Variants in SETD2 observed in about 807,000 individuals in gnomAD.
SETD2 encodes the protein SET domain containing 2, histone lysine methyltransferase.
A neutral mutation model predicts 242.1 loss-of-function variants in SETD2; 31 were observed. The ratio of observed to expected loss-of-function variants is 0.13; its 90% confidence interval spans 0.10 to 0.17. The LOEUF (loss-of-function observed/expected upper bound fraction) is 0.17. SETD2 is among the 10% of genes least tolerant of loss of function. The probability of loss-of-function intolerance (pLI) is 1.00; values close to 1 mark genes in which losing one functional copy is unlikely to be tolerated. For missense variants in SETD2, 2,481 were observed against 3,046.3 expected (o/e 0.81, Z 4.37); for synonymous variants, 1,006 against 1,066.5 (o/e 0.94, Z 1.11).
intron 1 of SETD2, among the ~76,000 whole-genome samples, chr3:47,127,779 G>A (rs888499294): frequency 1.3e-5 from 2 of 152,166 alleles, no homozygotes; most frequent in African/African-American, 2.4e-5. Context: ...ACTTGAACCC[G>A]GGAGGTGGAG....
At chr3:47,032,221 A>C (rs2038801017) in intron 18 of SETD2, among the ~76,000 whole-genome samples, 1 of 152,108 alleles carries the variant, frequency 6.6e-6, no homozygotes, top group African/African-American at 2.4e-5. Context: ...ACCACCAAGA[A>C]GTAAAGCAGG....
At chr3:47,084,961 C>T (rs1440073253) in intron 11 of SETD2, among the ~76,000 whole-genome samples, 2 of 150,836 alleles carry the variant, frequency 1.3e-5, no homozygotes, top group Non-Finnish European at 3.0e-5. Context: ...GAACTCCTGA[C>T]CTTAGGTGAT....
chr3:47,114,876 C>CA (rs764948151), intron 4 of SETD2, among the ~76,000 whole-genome samples: 1,989 of 54,126 alleles, frequency 0.037, 47 homozygotes, highest in East Asian at 0.072. Context: ...GAGACTGTCT[C>CA]AAAAAAAAAA....
chr3:47,135,724 CA>C (rs1294368235), intron 1 of SETD2, among the ~76,000 whole-genome samples: 1 of 152,208 alleles, frequency 6.6e-6, no homozygotes, highest in Non-Finnish European at 1.5e-5. Context: ...TCCCCTACCC[CA>C]AATCTCTATC....
At position 47,122,865 on chromosome 3, in the gene SETD2, G is replaced by C. The variant is rs2106689406; in HGVS notation, c.1771C>G (p.Gln591Glu). ...TCACTACCTTTTGAACAAGGTGTCTGTAAACTAAAAGAATGAGACTGTTTG... is the reference window on the plus strand; with the variant it reads ...TCACTACCTTTTGAACAAGGTGTCTCTAAACTAAAAGAATGAGACTGTTTG... Reference protein sequence around the residue: ...EIKQSHSFSLQTPCSKGSELR... With the variant: ...EIKQSHSFSLETPCSKGSELR... The change falls in exon 3 of 21, where the codon CAG becomes GAG. Residue 591 changes from glutamine (Q) to glutamate (E), a missense_variant. Physicochemically the swap from Gln to Glu is conservative, Grantham distance 29. Coordinates refer to ENST00000409792, the MANE Select transcript of SETD2 (RefSeq NM_014159.7). 2 of 1,611,516 alleles carry C rather than the reference G, an allele frequency of 1.2e-6. No individual in the cohort carries two copies. The highest frequency in any genetic ancestry group is 1.7e-6 in the Non-Finnish European group (2 of 1,178,820).
intron 2 of SETD2, among the ~76,000 whole-genome samples, chr3:47,125,129 G>A (rs1165160320): frequency 6.6e-6 from 1 of 151,898 alleles, no homozygotes; most frequent in Non-Finnish European, 1.5e-5. Context: ...GACCAGCCTG[G>A]CCAACATAAT....
chr3:47,145,218 T>A (rs1332272151), intron 1 of SETD2, among the ~76,000 whole-genome samples: 1 of 152,188 alleles, frequency 6.6e-6, no homozygotes, highest in Non-Finnish European at 1.5e-5. Context: ...TTTCAGATTC[T>A]GGAATATCTG....
At chr3:47,098,803 T>A (rs541412575) in intron 8 of SETD2, among the ~76,000 whole-genome samples, 31 of 151,980 alleles carry the variant, frequency 2.0e-4, no homozygotes, top group Admixed American at 1.1e-3. Flanking sequence ...CTCAAAAAAA[T>A]AATAATAATA....
chr3:47,118,459 C>A (rs1341954100), intron 3 of SETD2, among the ~76,000 whole-genome samples: 1 of 152,068 alleles, frequency 6.6e-6, no homozygotes, highest in East Asian at 1.9e-4. Context: ...TGGTAGCTCA[C>A]GCCTGTAATC....
In SETD2 at chr3:47,045,685, T is replaced by TAA. The variant is rs562529886; in HGVS notation, c.7098+800_7098+801dup. On this transcript the variant is annotated intron_variant, in intron 16 of 20. Coordinates refer to ENST00000409792, the MANE Select transcript of SETD2 (RefSeq NM_014159.7). ...TGCACTCCAGCCTAGGTGACAGAGT[T>TAA]AAAAAAAAAAAAAAATTATTACTTC... Among the ~76,000 whole-genome samples, 686 of 133,212 alleles carry TAA rather than the reference T, an allele frequency of 5.1e-3. 10 individuals carry two copies. The highest frequency in any genetic ancestry group is 0.013 in the African/African-American group (478 of 35,990). 87.4% of individuals were successfully genotyped at this position (133,212 alleles called of 152,430 possible). A position where few individuals can be genotyped will look rare whatever the true frequency, so the allele number is the denominator to read the frequency against.
In SETD2 at chr3:47,122,523, A is replaced by C. The variant is rs746219041; in HGVS notation, c.2113T>G (p.Ser705Ala). Residue 705 changes from serine (S) to alanine (A), a missense_variant, in exon 3 of 21, where the codon TCG becomes GCG. Transcript: ENST00000409792. ...GCTTTGACCAAAGGGGATAATTCCG[A>C]TCCAGTCACACTATCATCAGAAGTC... ...LMTSDDSVTG[S>A]ELSPLVKACM... is the part of the protein sequence containing the mutation. 6 of 1,614,022 alleles carry C rather than the reference A, an allele frequency of 3.7e-6. No homozygotes were observed. In the African/African-American group the frequency reaches 5.3e-5, roughly 14 times the overall value.
chr3:47,083,859 A>G lies in SETD2; in HGVS notation c.5921T>C (p.Ile1974Thr), dbSNP rs1559701059. ...ESNGTKLEEP[I>T]NEETPSQDEE... is the part of the protein sequence containing the mutation. ...ATCTTGGGATGGTGTTTCTTCATTA[A>G]TAGGTTCTTCTAGTTTTGTGCCGTT... The change falls in exon 12 of 21, where the codon ATT becomes ACT. Residue 1974 changes from isoleucine to threonine, a missense_variant. Ile to Thr is a moderately conservative substitution (Grantham distance 89). Coordinates refer to ENST00000409792, the MANE Select transcript of SETD2 (RefSeq NM_014159.7). 1.2e-6 allele frequency: 2 copies of G among 1,614,068 alleles called. No individual in the cohort carries two copies. Among genetic ancestry groups the G allele is most frequent in the Non-Finnish European group, 1.7e-6 (2 of 1,179,996 alleles).
At chr3:47,070,448 A>G (rs1432225909) in intron 12 of SETD2, among the ~76,000 whole-genome samples, 2 of 152,188 alleles carry the variant, frequency 1.3e-5, no homozygotes, top group South Asian at 2.1e-4. Flanking sequence ...TCTCCTCCTT[A>G]TTTTATATAT....
intron 7 of SETD2, among the ~76,000 whole-genome samples, chr3:47,102,833 A>G (rs1042443747): frequency 2.6e-5 from 4 of 151,902 alleles, no homozygotes; most frequent in African/African-American, 9.6e-5. Context: ...GTCCCTCATC[A>G]GTGTTATTAA....
intron 13 of SETD2, among the ~76,000 whole-genome samples, chr3:47,065,456 A>C (rs1413556977): frequency 2.0e-5 from 3 of 152,150 alleles, no homozygotes; most frequent in Non-Finnish European, 4.4e-5. Flanking sequence ...AACCACCATA[A>C]GTGACCCTAT....
At chr3:47,102,426 G>C (rs1288712783) in intron 7 of SETD2, among the ~76,000 whole-genome samples, 1 of 152,150 alleles carries the variant, frequency 6.6e-6, no homozygotes, top group East Asian at 1.9e-4. Context: ...AGACTCAAAA[G>C]TGCTATTTCA....
chr3:47,148,743 G>A (rs1402925197), intron 1 of SETD2, among the ~76,000 whole-genome samples: 1 of 152,068 alleles, frequency 6.6e-6, no homozygotes, highest in African/African-American at 2.4e-5. Context: ...ACATCCAATC[G>A]ACTTACATAC....
At chr3:47,063,961 C>T (rs1022334473) in intron 13 of SETD2, among the ~76,000 whole-genome samples, 8 of 148,152 alleles carry the variant, frequency 5.4e-5, no homozygotes, top group Middle Eastern at 3.4e-3. Context: ...CCAGCCTGGG[C>T]GACAGAGCTA....
intron 1 of SETD2, among the ~76,000 whole-genome samples, chr3:47,144,774 G>A (rs1372462029): frequency 3.9e-5 from 6 of 151,988 alleles, no homozygotes; most frequent in Admixed American, 1.3e-4. Context: ...TCATGCCAAC[G>A]TGGTTAAAAC....
Sources: allele counts gnomAD v4.1 joint callset (sites outside exome capture counted in the v4.1 genomes callset), GRCh38; gene constraint gnomAD v4.1.1; transcripts MANE v1.5; gene names NCBI Gene and HGNC (gene_info 2026-07-23, HGNC 2026-07-21).